Variants in RBFOX1 observed in about 807,000 individuals in gnomAD.
RBFOX1 encodes the protein RNA binding protein fox-1 homolog 1.
RBFOX1 carries 8 observed loss-of-function variants against 57.7 expected under a neutral mutation model. The ratio of observed to expected loss-of-function variants is 0.14; its 90% CI spans 0.08 to 0.25. The LOEUF (loss-of-function observed/expected upper bound fraction) is 0.25. Among genes scored for constraint, RBFOX1 ranks in the 10% least tolerant of loss-of-function variants. The pLI is 1.00. For synonymous variants in RBFOX1, 326 were observed against 222.4 expected, an observed-to-expected ratio of 1.47 and a Z score of -4.15; for missense variants, 611 against 548.5, an observed-to-expected ratio of 1.11 and a Z score of -1.14.
intron 2 of RBFOX1, among the ~76,000 whole-genome samples, chr16:5,472,212 G>A (rs1355164611): frequency 6.6e-6 from 1 of 152,072 alleles, no homozygotes; most frequent in East Asian, 1.9e-4. Context: ...TTTTTATTCT[G>A]TTTCGGTTCC....
At chr16:7,648,200 C>A (rs1055703367) in intron 11 of RBFOX1, among the ~76,000 whole-genome samples, 2 of 152,058 alleles carry the variant, frequency 1.3e-5, no homozygotes, top group South Asian at 2.1e-4. Context: ...CCTAAACCAA[C>A]AATTGAGGAA....
At chr16:6,113,241 G>C (rs2096464436) in intron 1 of RBFOX1, among the ~76,000 whole-genome samples, 1 of 152,202 alleles carries the variant, frequency 6.6e-6, no homozygotes, top group Non-Finnish European at 1.5e-5. Flanking sequence ...AGATGGACAA[G>C]AGGGTGAGGC....
chr16:6,089,228 T>A (rs2096135410), intron 1 of RBFOX1, among the ~76,000 whole-genome samples: 1 of 152,008 alleles, frequency 6.6e-6, no homozygotes, highest in East Asian at 1.9e-4. Context: ...AGGAGGTAGA[T>A]CCCGATTAAC....
chr16:6,452,636 G>A (rs2094659787), intron 2 of RBFOX1, among the ~76,000 whole-genome samples: 1 of 152,188 alleles, frequency 6.6e-6, no homozygotes, highest in African/African-American at 2.4e-5. Context: ...GAGAAAAATG[G>A]GCCCAGTTTA....
At chr16:5,273,276 C>T (rs2063060178) in intron 1 of RBFOX1, among the ~76,000 whole-genome samples, 1 of 149,184 alleles carries the variant, frequency 6.7e-6, no homozygotes, top group African/African-American at 2.5e-5. Flanking sequence ...TGGCAGGTTT[C>T]TGCTAATAGC....
At chr16:7,635,728 T>C (rs2061648547) in intron 11 of RBFOX1, among the ~76,000 whole-genome samples, 1 of 152,254 alleles carries the variant, frequency 6.6e-6, no homozygotes, top group Non-Finnish European at 1.5e-5. Context: ...GTTTGTTTAA[T>C]GACATAAATG....
rs2151628156 is a variant in RBFOX1, at chr16:5,474,302, G to C, written c.258+7048G>C. 1.3e-5 allele frequency among the ~76,000 whole-genome samples: 2 copies of C among 152,284 alleles called. 1 individual carries two copies. Among genetic ancestry groups the C allele is most frequent in the South Asian group, 4.2e-4 (2 of 4,818 alleles). On this transcript the variant is annotated intron_variant, in intron 2 of 2. Coordinates refer to the RBFOX1 transcript ENST00000585867. ...ATAGGCTGAGAAAGTAGATTGTACA[G>C]AACCTACTGAGGGGACTTCGTTAAA...
At chr16:7,417,409 G>T (rs987435208) in intron 4 of RBFOX1, among the ~76,000 whole-genome samples, 12 of 146,678 alleles carry the variant, frequency 8.2e-5, no homozygotes, top group Non-Finnish European at 1.8e-4. Flanking sequence ...CCCATATCCT[G>T]TTCCCCCAGT....
chr16:7,202,646 C>T (rs541363341), intron 4 of RBFOX1, among the ~76,000 whole-genome samples: 1 of 152,300 alleles, frequency 6.6e-6, no homozygotes, highest in South Asian at 2.1e-4. Flanking sequence ...AGCTCGACCT[C>T]CTGTCAGAGC....
At chr16:7,202,028 C>G (rs2088657425) in intron 4 of RBFOX1, among the ~76,000 whole-genome samples, 2 of 152,234 alleles carry the variant, frequency 1.3e-5, no homozygotes, top group East Asian at 1.9e-4. Flanking sequence ...TTTGCATTGA[C>G]TTTGGAAGAT....
At chr16:7,653,103 G>C (rs941911094) in intron 11 of RBFOX1, among the ~76,000 whole-genome samples, 1 of 152,198 alleles carries the variant, frequency 6.6e-6, no homozygotes, top group Non-Finnish European at 1.5e-5. Flanking sequence ...ATGTACACAT[G>C]CATATACACA....
chr16:5,995,102 A>G (rs775096440), intron 4 of RBFOX1, among the ~76,000 whole-genome samples: 1 of 152,210 alleles, frequency 6.6e-6, no homozygotes, highest in Non-Finnish European at 1.5e-5. Flanking sequence ...CTTGAAGTAC[A>G]TTTCTGTACC....
At chr16:6,909,598 T>A (rs1332497267) in intron 3 of RBFOX1, among the ~76,000 whole-genome samples, 1 of 152,214 alleles carries the variant, frequency 6.6e-6, no homozygotes, top group African/African-American at 2.4e-5. Flanking sequence ...GCGAGGGACA[T>A]GTAATCTCCC....
chr16:7,039,597 T>G (rs1318614794), intron 3 of RBFOX1, among the ~76,000 whole-genome samples: 1 of 152,232 alleles, frequency 6.6e-6, no homozygotes, highest in Non-Finnish European at 1.5e-5. Flanking sequence ...TTGTTCTTCC[T>G]TGTGACAAAA....
chr16:7,349,255 G>A (rs2097081817), intron 4 of RBFOX1, among the ~76,000 whole-genome samples: 1 of 152,144 alleles, frequency 6.6e-6, no homozygotes. Flanking sequence ...CACAAGTGGA[G>A]ACTGGGAGAC....
intron 4 of RBFOX1, among the ~76,000 whole-genome samples, chr16:5,940,463 C>A (rs985984638): frequency 6.6e-6 from 1 of 152,180 alleles, no homozygotes; most frequent in African/African-American, 2.4e-5. Flanking sequence ...AGGTCACCCA[C>A]CTGGAAAACC....
intron 14 of RBFOX1, among the ~76,000 whole-genome samples, chr16:7,708,688 A>G (rs888590340): frequency 2.0e-5 from 3 of 152,314 alleles, no homozygotes; most frequent in African/African-American, 7.2e-5. Flanking sequence ...TTGAGAATTA[A>G]AATACCCTCT....
chr16:7,417,952 C>T (rs2098500604), intron 4 of RBFOX1, among the ~76,000 whole-genome samples: 1 of 152,110 alleles, frequency 6.6e-6, no homozygotes, highest in African/African-American at 2.4e-5. Flanking sequence ...CCCTAGTATG[C>T]AGCCTATCAC....
chr16:6,687,226 G>A lies in RBFOX1; in HGVS notation c.-16+32576G>A, dbSNP rs557798987. ...CGTATGTTCTGACTTAGAAGTAGGA[G>A]CTAAGCTATGACTCTGCAGAGGCAC... On this transcript the variant is annotated intron_variant, in intron 3 of 15. Coordinates refer to ENST00000550418, the MANE Select transcript of RBFOX1 (RefSeq NM_018723.4). Among the ~76,000 whole-genome samples the A allele has an allele frequency of 3.9e-5, 6 of 152,232 alleles. No homozygotes were observed. In the East Asian group the frequency reaches 7.8e-4, roughly 20 times the overall value.
Sources: gnomAD v4.1 joint callset for allele counts (sites outside exome capture counted in the v4.1 genomes callset) on GRCh38, gnomAD v4.1.1 for gene constraint, MANE v1.5 for transcripts, NCBI Gene and HGNC (gene_info 2026-07-23, HGNC 2026-07-21) for gene names.